The following RPGRIP1 variants were observed in gnomAD, a reference collection of about 807,000 sequenced individuals.
RPGRIP1 encodes RPGR interacting protein 1.
RPGRIP1 carries 128 observed loss-of-function variants against 157.9 expected under a neutral mutation model. That is an observed-to-expected ratio of 0.81 (90% CI 0.70 to 0.94). The LOEUF (loss-of-function observed/expected upper bound fraction) is 0.94. Ranked by LOEUF, RPGRIP1 falls within the 40% of genes least tolerant of loss-of-function variation. The probability of loss-of-function intolerance (pLI) is 0.00; values close to 1 mark genes in which losing one functional copy is unlikely to be tolerated. For missense variants in RPGRIP1, 1,486 were observed against 1,545.8 expected (o/e 0.96, Z 0.65); for synonymous variants, 554 against 571.6 (o/e 0.97, Z 0.44).
chr14:21,306,808 C>G (rs922795627), intron 6 of RPGRIP1, among the ~76,000 whole-genome samples: 3 of 151,278 alleles, frequency 2.0e-5, no homozygotes, highest in African/African-American at 7.3e-5. Context: ...CAGTCTCACT[C>G]TGTTGTCGCC....
intron 5 of RPGRIP1, 63 bp from the exon 6 acceptor site, chr14:21,303,268 T>C: frequency 8.7e-7 from 1 of 1,151,146 alleles, no homozygotes. Flanking sequence ...TCTTTTTATA[T>C]GTGTAAGAAC....
chr14:21,338,329 C>A (rs1350276159), intron 21 of RPGRIP1, among the ~76,000 whole-genome samples: 1 of 152,092 alleles, frequency 6.6e-6, no homozygotes, highest in Non-Finnish European at 1.5e-5. Flanking sequence ...AAAATTTTTT[C>A]TCTTATCGTG....
intron 1 of RPGRIP1, among the ~76,000 whole-genome samples, chr14:21,284,688 T>C (rs1169344420): frequency 6.6e-6 from 1 of 151,904 alleles, no homozygotes; most frequent in Non-Finnish European, 1.5e-5. Context: ...GGGATCACTC[T>C]GTCGTGGCAC....
At chr14:21,332,127 C>T (rs577717090) in intron 20 of RPGRIP1, among the ~76,000 whole-genome samples, 1 of 151,860 alleles carries the variant, frequency 6.6e-6, no homozygotes, top group African/African-American at 2.4e-5. Context: ...TTAGTAGAGA[C>T]TGGATTTCAT....
chr14:21,310,899 A>G (rs1277065801), intron 8 of RPGRIP1: 1 of 619,112 alleles, frequency 1.6e-6, no homozygotes, highest in Non-Finnish European at 3.1e-6. Context: ...AAAACTTCCT[A>G]AGAGTATTCT....
At chr14:21,289,099 G>A (rs1307302518) in intron 2 of RPGRIP1, among the ~76,000 whole-genome samples, 1 of 151,756 alleles carries the variant, frequency 6.6e-6, no homozygotes, top group African/African-American at 2.4e-5. Flanking sequence ...AGGCCGAGAC[G>A]GGCAGATCAC....
intron 3 of RPGRIP1, among the ~76,000 whole-genome samples, chr14:21,296,557 G>T (rs1880790497): frequency 6.6e-6 from 1 of 150,724 alleles, no homozygotes; most frequent in East Asian, 2.0e-4. Context: ...CACCATGTTG[G>T]CCAGGCTGGT....
At chr14:21,328,709 GCAGAAGC>G in intron 19 of RPGRIP1, 82 bp downstream of exon 19, 1 of 1,001,336 alleles carries the variant, frequency 1.0e-6, no homozygotes. Context: ...AGAAGCAGAA[GCAGAAGC>G]AGACACACAA....
rs1881072702 is a variant in RPGRIP1, at chr14:21,302,422, G to A, written c.491-66G>A. The A allele has an allele frequency of 3.7e-5, 31 of 829,576 alleles. 1 individual carries two copies. The South Asian group carries it at 8.9e-4, about 24-fold the overall frequency. 51.4% of individuals were successfully genotyped at this position (829,576 alleles called of 1,614,324 possible). On this transcript the variant is annotated intron_variant, in intron 4 of 24. Transcript: ENST00000400017. Reference sequence around the variant, plus strand: ...TCTATGCCCAGCCCTTCATGTTCCAGTTTCAGTACTTGGTGTTCCGGAGGG... The same window carrying A: ...TCTATGCCCAGCCCTTCATGTTCCAATTTCAGTACTTGGTGTTCCGGAGGG...
At chr14:21,338,430 A>T (rs1734647698) in intron 21 of RPGRIP1, among the ~76,000 whole-genome samples, 1 of 152,218 alleles carries the variant, frequency 6.6e-6, no homozygotes, top group Non-Finnish European at 1.5e-5. Context: ...TAGGTGGCAC[A>T]TCTGAGCTAA....
At chr14:21,319,739 T>C (rs2139198831) in intron 11 of RPGRIP1, among the ~76,000 whole-genome samples, 1 of 152,300 alleles carries the variant, frequency 6.6e-6, no homozygotes, top group East Asian at 1.9e-4. Flanking sequence ...ATTACCCTAG[T>C]CAAGTGATTC....
At chr14:21,281,698 A>AT (rs1880130833) in intron 1 of RPGRIP1, among the ~76,000 whole-genome samples, 2 of 103,032 alleles carry the variant, frequency 1.9e-5, no homozygotes, top group African/African-American at 7.5e-5. Context: ...CAAAAAAAAA[A>AT]AAAATAAATA....
At chr14:21,301,722 T>TAATAATAATA (rs1443437374) in intron 4 of RPGRIP1, among the ~76,000 whole-genome samples, 5 of 75,122 alleles carry the variant, frequency 6.7e-5, no homozygotes, top group African/African-American at 2.7e-4. Flanking sequence ...ATAATAATAA[T>TAATAATAATA]AAAAAATTAG....
At chr14:21,294,294 G>A (rs1355917059) in intron 2 of RPGRIP1, among the ~76,000 whole-genome samples, 2 of 150,906 alleles carry the variant, frequency 1.3e-5, no homozygotes, top group Non-Finnish European at 2.9e-5. Context: ...ACAGTGGCAC[G>A]ATCTCGGCTC....
chr14:21,283,112 T>G (rs182144838), intron 1 of RPGRIP1, among the ~76,000 whole-genome samples: 1 of 152,164 alleles, frequency 6.6e-6, no homozygotes, highest in African/African-American at 2.4e-5. Context: ...GTCAATGTGC[T>G]CTGGGCCCAG....
intron 3 of RPGRIP1, among the ~76,000 whole-genome samples, chr14:21,300,291 GA>G (rs1450766318): frequency 9.6e-6 from 1 of 104,594 alleles, no homozygotes; most frequent in African/African-American, 3.5e-5. Context: ...GGAAACAAGA[GA>G]AAAAGTCCGT....
intron 21 of RPGRIP1, among the ~76,000 whole-genome samples, chr14:21,341,793 C>T (rs1432109842): frequency 2.6e-5 from 4 of 152,048 alleles, no homozygotes; most frequent in Non-Finnish European, 4.4e-5. Flanking sequence ...CGGCGGCTCA[C>T]GACTGTAATC....
chr14:21,320,221 C>A, intron 12 of RPGRIP1, 44 bp downstream of exon 12: 1 of 1,525,112 alleles, frequency 6.6e-7, no homozygotes, highest in Non-Finnish European at 9.0e-7. Flanking sequence ...GCAGAGAGAT[C>A]TCTGGCAAAT....
intron 24 of RPGRIP1, among the ~76,000 whole-genome samples, chr14:21,350,788 G>A (rs1285973542): frequency 2.6e-5 from 4 of 152,144 alleles, no homozygotes; most frequent in African/African-American, 9.7e-5. Context: ...AACATGCTAT[G>A]TTCTTCCTGA....
Sources: allele counts gnomAD v4.1 joint callset (sites outside exome capture counted in the v4.1 genomes callset), GRCh38; gene constraint gnomAD v4.1.1; transcripts MANE v1.5; gene names NCBI Gene and HGNC (gene_info 2026-07-23, HGNC 2026-07-21).